Variants in FAM184B observed in about 807,000 individuals in gnomAD.
The protein encoded by FAM184B is family with sequence similarity 184 member B.
In FAM184B, 111 loss-of-function variants were observed where a neutral mutation model predicts 135.9. That is an observed-to-expected ratio of 0.82 (90% confidence interval 0.70 to 0.96). FAM184B has a LOEUF of 0.96. FAM184B is among the 40% of genes least tolerant of loss of function. The pLI, the probability that FAM184B is intolerant of heterozygous loss-of-function variation, is 0.00. For synonymous variants in FAM184B, 552 were observed against 524.8 expected, an observed-to-expected ratio of 1.05 and a Z score of -0.71; for missense variants, 1,375 against 1,323.9, an observed-to-expected ratio of 1.04 and a Z score of -0.60.
chr4:17,704,874 C>A, intron 5 of FAM184B, 126 bp downstream of exon 5: 1 of 798,022 alleles, frequency 1.3e-6, no homozygotes, highest in Non-Finnish European at 2.0e-6. Context: ...AGAGAATAAG[C>A]TTACATTTGT....
At chr4:17,779,036 C>T (rs952805470) in intron 1 of FAM184B, among the ~76,000 whole-genome samples, 5 of 152,028 alleles carry the variant, frequency 3.3e-5, no homozygotes, top group African/African-American at 1.2e-4. Context: ...AAATAAAAGA[C>T]GATTCTGAGA....
At chr4:17,726,917 T>C (rs1717655448) in intron 1 of FAM184B, among the ~76,000 whole-genome samples, 1 of 152,096 alleles carries the variant, frequency 6.6e-6, no homozygotes, top group African/African-American at 2.4e-5. Flanking sequence ...CTGTGGCCAA[T>C]GGGATAGAAT....
At chr4:17,658,962 A>C (rs893620246) in intron 9 of FAM184B, among the ~76,000 whole-genome samples, 6 of 151,926 alleles carry the variant, frequency 3.9e-5, no homozygotes, top group African/African-American at 1.5e-4. Context: ...GCCTCCCAGA[A>C]ACCTCTGCCC....
intron 11 of FAM184B, among the ~76,000 whole-genome samples, chr4:17,648,862 A>C (rs1173007801): frequency 6.6e-6 from 1 of 152,170 alleles, no homozygotes; most frequent in African/African-American, 2.4e-5. Flanking sequence ...CCCTCTGAGG[A>C]TGGAGACTGA....
chr4:17,664,020 C>A (rs1446116128), intron 8 of FAM184B, among the ~76,000 whole-genome samples: 1 of 152,164 alleles, frequency 6.6e-6, no homozygotes, highest in African/African-American at 2.4e-5. Context: ...AATTAAACCT[C>A]TTTCCTTTAT....
At chr4:17,746,657 G>A (rs926572194) in intron 1 of FAM184B, among the ~76,000 whole-genome samples, 1 of 150,696 alleles carries the variant, frequency 6.6e-6, no homozygotes, top group Non-Finnish European at 1.5e-5. Context: ...GTGTGGACTC[G>A]GGAGGTGGAG....
At chr4:17,663,631 CA>C in intron 8 of FAM184B, among the ~76,000 whole-genome samples, 1 of 151,884 alleles carries the variant, frequency 6.6e-6, no homozygotes, top group Non-Finnish European at 1.5e-5. Context: ...CACACACACA[CA>C]CACACACACA....
chr4:17,755,250 C>A (rs1288522804), intron 1 of FAM184B, among the ~76,000 whole-genome samples: 1 of 151,948 alleles, frequency 6.6e-6, no homozygotes, highest in Non-Finnish European at 1.5e-5. Context: ...TCTAGGTCTT[C>A]ATAAAAAAGC....
intron 1 of FAM184B, among the ~76,000 whole-genome samples, chr4:17,758,409 C>T (rs556791041): frequency 6.6e-6 from 1 of 152,272 alleles, no homozygotes; most frequent in East Asian, 1.9e-4. Flanking sequence ...ACTCATGCAT[C>T]CTAGAACCAA....
chr4:17,684,871 G>A (rs1209427601), intron 7 of FAM184B, among the ~76,000 whole-genome samples: 1 of 152,126 alleles, frequency 6.6e-6, no homozygotes, highest in African/African-American at 2.4e-5. Flanking sequence ...CCATAAAAAG[G>A]AATGAGATAT....
At chr4:17,686,034 C>G (rs1419174783) in intron 7 of FAM184B, among the ~76,000 whole-genome samples, 1 of 152,170 alleles carries the variant, frequency 6.6e-6, no homozygotes, top group Non-Finnish European at 1.5e-5. Context: ...CAGATTTAAT[C>G]TCATCAAGAA....
chr4:17,654,811 A>G (rs1184899783), intron 10 of FAM184B, among the ~76,000 whole-genome samples: 1 of 151,918 alleles, frequency 6.6e-6, no homozygotes, highest in Non-Finnish European at 1.5e-5. Flanking sequence ...AACTGGTCTC[A>G]CTCCTCCCAG....
chr4:17,775,345 C>T (rs564816525), intron 1 of FAM184B, among the ~76,000 whole-genome samples: 36 of 152,168 alleles, frequency 2.4e-4, no homozygotes, highest in African/African-American at 8.7e-4. Flanking sequence ...GCCACCACAC[C>T]CAGCTAATTT....
intron 5 of FAM184B, among the ~76,000 whole-genome samples, chr4:17,701,062 A>T (rs1024204723): frequency 2.0e-5 from 3 of 152,166 alleles, no homozygotes; most frequent in African/African-American, 7.2e-5. Flanking sequence ...TGACAGTGAG[A>T]CTGCTCTCCC....
At chr4:17,687,707 T>C (rs1716619718) in intron 7 of FAM184B, among the ~76,000 whole-genome samples, 1 of 149,372 alleles carries the variant, frequency 6.7e-6, no homozygotes, top group East Asian at 2.0e-4. Flanking sequence ...GAGATCGGAG[T>C]GACGTGTTTG....
At chr4:17,651,393 C>T (rs1715610543) in intron 11 of FAM184B, among the ~76,000 whole-genome samples, 1 of 151,778 alleles carries the variant, frequency 6.6e-6, no homozygotes, top group African/African-American at 2.4e-5. Flanking sequence ...GAAAAATTAG[C>T]CGGGCGTGGT....
chr4:17,750,500 G>A (rs1262171859), intron 1 of FAM184B, among the ~76,000 whole-genome samples: 1 of 152,138 alleles, frequency 6.6e-6, no homozygotes, highest in Non-Finnish European at 1.5e-5. Context: ...CAGTGACGCT[G>A]GCATTTTGGG....
intron 1 of FAM184B, among the ~76,000 whole-genome samples, chr4:17,774,992 C>CTTTTTTTTTTTT (rs71167338): frequency 2.4e-5 from 2 of 81,750 alleles, no homozygotes; most frequent in African/African-American, 5.1e-5. Context: ...TTTTCCTTTT[C>CTTTTTTTTTTTT]TTTTTTTTTT....
Position 17,646,349 on chromosome 4 carries a change from A to G in FAM184B, c.2346+1288T>C, listed in dbSNP as rs563686632. Reference sequence around the variant, plus strand: ...CAACCCAAGTGTCCAACAATGATAGACTGGATTAAGAAAATGTGGCACATA... The same window carrying G: ...CAACCCAAGTGTCCAACAATGATAGGCTGGATTAAGAAAATGTGGCACATA... On this transcript the variant is annotated intron_variant, in intron 12 of 17. Transcript: ENST00000265018. Among the ~76,000 whole-genome samples, 24 of 152,278 alleles carry G rather than the reference A, an allele frequency of 1.6e-4. No homozygotes were observed. In the East Asian group the frequency reaches 4.6e-3, roughly 29 times the overall value.
Sources: allele counts gnomAD v4.1 joint callset (sites outside exome capture counted in the v4.1 genomes callset), GRCh38; gene constraint gnomAD v4.1.1; transcripts MANE v1.5; gene names NCBI Gene and HGNC (gene_info 2026-07-23, HGNC 2026-07-21).